The following ADGRV1 variants were observed in gnomAD, a reference collection of about 807,000 sequenced individuals.
ADGRV1 encodes the protein adhesion G protein-coupled receptor V1, also known as G-protein coupled receptor 98.
In ADGRV1, 359 loss-of-function variants were observed where a neutral mutation model predicts 596.2. The ratio of observed to expected loss-of-function variants is 0.60; its 90% CI spans 0.55 to 0.66. The LOEUF (loss-of-function observed/expected upper bound fraction) is 0.66. Among genes scored for constraint, ADGRV1 ranks in the 30% least tolerant of loss-of-function variants. The pLI is 0.00. For missense variants in ADGRV1, 7,274 were observed against 7,575.6 expected (o/e 0.96, Z 1.48); for synonymous variants, 2,681 against 2,679.2 (o/e 1.00, Z -0.02).
intron 9 of ADGRV1, among the ~76,000 whole-genome samples, chr5:90,632,772 C>A (rs546856222): frequency 2.6e-4 from 40 of 152,284 alleles, no homozygotes; most frequent in African/African-American, 8.9e-4. Context: ...AGACTCAATT[C>A]TTTATGTATC....
intron 59 of ADGRV1, among the ~76,000 whole-genome samples, chr5:90,773,168 CA>C (rs36098858): frequency 0.12 from 16,484 of 133,320 alleles, 2,249 homozygotes; most frequent in African/African-American, 0.38. Context: ...GACCCTGTCT[CA>C]AAAAAAAAAA....
chr5:91,115,947 AAACAAC>A (rs3079443), intron 87 of ADGRV1, among the ~76,000 whole-genome samples: 5 of 150,528 alleles, frequency 3.3e-5, no homozygotes, highest in Non-Finnish European at 5.9e-5. Context: ...CTTCCATCTA[AAACAAC>A]AACAACAACA....
At chr5:90,621,131 A>T (rs1023718089) in intron 4 of ADGRV1, among the ~76,000 whole-genome samples, 1 of 152,170 alleles carries the variant, frequency 6.6e-6, no homozygotes, top group African/African-American at 2.4e-5. Context: ...AATACAACTG[A>T]ATCTGGTCGC....
intron 84 of ADGRV1, among the ~76,000 whole-genome samples, chr5:90,983,524 T>G (rs1184791084): frequency 6.6e-6 from 1 of 152,202 alleles, no homozygotes; most frequent in Non-Finnish European, 1.5e-5. Context: ...TTAGTACTTT[T>G]GTTTAGAAGA....
chr5:90,623,188 A>G (rs4916803), intron 5 of ADGRV1, among the ~76,000 whole-genome samples: 27,676 of 152,242 alleles, frequency 0.18, 2,703 homozygotes, highest in East Asian at 0.4. Context: ...TGATTAATAT[A>G]AAAATGTTTT....
intron 87 of ADGRV1, among the ~76,000 whole-genome samples, chr5:91,139,685 A>G (rs565561204): frequency 9.2e-5 from 14 of 152,346 alleles, no homozygotes; most frequent in Non-Finnish European, 1.6e-4. Context: ...GGCTGATTTA[A>G]TGGACCAAGT....
chr5:90,724,972 A>T lies in ADGRV1; in HGVS notation c.9889A>T (p.Ile3297Phe). 6.2e-7 allele frequency: 1 copy of T among 1,601,498 alleles called. No individual in the cohort carries two copies. The highest frequency in any genetic ancestry group is 8.5e-7 in the Non-Finnish European group (1 of 1,175,766). ...SSVTVYRWQG[I>F]FIPVEDLNIE... ...TGTTACTGTTTACCGATGGCAGGGGATTTTTATTCCAGTTGAGGTAAACAT... is the reference window on the plus strand; with the variant it reads ...TGTTACTGTTTACCGATGGCAGGGGTTTTTTATTCCAGTTGAGGTAAACAT... Residue 3297 changes from isoleucine (I) to phenylalanine (F), a missense_variant, in exon 46 of 90, where the codon ATT becomes TTT. By Grantham distance (21) the Ile-to-Phe change is conservative. Transcript: ENST00000405460.
At chr5:90,608,044 T>C (rs1762313127) in intron 1 of ADGRV1, among the ~76,000 whole-genome samples, 1 of 152,084 alleles carries the variant, frequency 6.6e-6, no homozygotes, top group Non-Finnish European at 1.5e-5. Context: ...TTCTTAGAAA[T>C]TGAAAACGAT....
chr5:90,678,206 G>A (rs1210911996), intron 25 of ADGRV1, among the ~76,000 whole-genome samples: 1 of 152,136 alleles, frequency 6.6e-6, no homozygotes, highest in Non-Finnish European at 1.5e-5. Flanking sequence ...GGCAAAAGGA[G>A]AAGAGAGGGC....
chr5:91,052,275 T>C (rs1440177197), intron 85 of ADGRV1, among the ~76,000 whole-genome samples: 2 of 151,594 alleles, frequency 1.3e-5, no homozygotes, highest in Non-Finnish European at 2.9e-5. Flanking sequence ...ATACCTTCCA[T>C]GTTTTCTTGA....
At chr5:91,036,030 A>G (rs1205772685) in intron 85 of ADGRV1, among the ~76,000 whole-genome samples, 2 of 151,470 alleles carry the variant, frequency 1.3e-5, no homozygotes, top group African/African-American at 4.8e-5. Flanking sequence ...TAGATATGTG[A>G]TGTTAAAAAT....
chr5:90,753,903 G>C, intron 54 of ADGRV1, 74 bp downstream of exon 54: 2 of 1,362,860 alleles, frequency 1.5e-6, no homozygotes, highest in Non-Finnish European at 2.0e-6. Context: ...TATTTATAAG[G>C]AATGTAAATT....
intron 85 of ADGRV1, among the ~76,000 whole-genome samples, chr5:91,029,013 G>T (rs1278652092): frequency 6.6e-6 from 1 of 152,024 alleles, no homozygotes; most frequent in Non-Finnish European, 1.5e-5. Context: ...TAGAATTACA[G>T]GCATGAGTCA....
At chr5:91,089,954 T>G (rs1206330472) in intron 86 of ADGRV1, among the ~76,000 whole-genome samples, 2 of 152,204 alleles carry the variant, frequency 1.3e-5, no homozygotes, top group Non-Finnish European at 2.9e-5. Context: ...GAGTAACTGG[T>G]AATGTAGTTA....
At chr5:91,159,635 A>T (rs73773304) in intron 89 of ADGRV1, among the ~76,000 whole-genome samples, 1 of 152,302 alleles carries the variant, frequency 6.6e-6, no homozygotes, top group East Asian at 1.9e-4. Flanking sequence ...CTTGAAGTAC[A>T]TCGGCACTTC....
chr5:90,971,275 T>C (rs34243354), intron 84 of ADGRV1, among the ~76,000 whole-genome samples: 37,147 of 152,152 alleles, frequency 0.24, 4,986 homozygotes, highest in Non-Finnish European at 0.31. Flanking sequence ...GAAAACACTT[T>C]GCAGGATATT....
chr5:90,582,314 A>C (rs1276695558), intron 1 of ADGRV1, among the ~76,000 whole-genome samples: 1 of 151,990 alleles, frequency 6.6e-6, no homozygotes, highest in East Asian at 1.9e-4. Flanking sequence ...CTATTTTTGT[A>C]TGGTTGTGTA....
At position 90,716,516 on chromosome 5, in the gene ADGRV1, TAAC is replaced by T; in HGVS notation, c.9239_9241del (p.Asn3080del). On this transcript the variant is annotated inframe_deletion, in exon 43 of 90. Coordinates refer to ENST00000405460, the MANE Select transcript of ADGRV1 (RefSeq NM_032119.4). ...ATGACGGCCCTGGAGTTCTATCATTTAACAACAGTGAGCACTTTTTCCTAAGAG... is the reference window on the plus strand; with the variant it reads ...ATGACGGCCCTGGAGTTCTATCATTTAACAGTGAGCACTTTTTCCTAAGAG... The T allele has an allele frequency of 6.2e-7, 1 of 1,610,896 alleles. No individual in the cohort carries two copies. The highest frequency in any genetic ancestry group is 8.5e-7 in the Non-Finnish European group (1 of 1,178,036).
intron 86 of ADGRV1, among the ~76,000 whole-genome samples, chr5:91,093,652 C>G (rs116839875): frequency 1.2e-3 from 188 of 152,246 alleles, no homozygotes; most frequent in African/African-American, 4.5e-3. Context: ...TGAAGAAATA[C>G]AGTGTGCTCA....
Sources: gnomAD v4.1 joint callset for allele counts (sites outside exome capture counted in the v4.1 genomes callset) on GRCh38, gnomAD v4.1.1 for gene constraint, MANE v1.5 for transcripts, NCBI Gene and HGNC (gene_info 2026-07-23, HGNC 2026-07-21) for gene names.